Variants in C5orf24 observed in about 807,000 individuals in gnomAD.
C5orf24 encodes UPF0461 protein C5orf24.
Under a neutral mutation model 9.8 loss-of-function variants are expected in C5orf24, and 4 were observed. The observed-to-expected ratio is 0.41, with a 90% CI of 0.20 to 0.93. The LOEUF is 0.93. C5orf24 is among the 40% of genes least tolerant of loss of function. C5orf24 has a pLI of 0.33. For synonymous variants in C5orf24, 73 were observed against 81.3 expected, an observed-to-expected ratio of 0.90 and a Z score of 0.55; for missense variants, 170 against 236.9, an observed-to-expected ratio of 0.72 and a Z score of 1.85.
At chr5:134,840,229 C>T in the C5orf24 span, among the ~76,000 whole-genome samples, 1 of 150,950 alleles carries the variant, frequency 6.6e-6, no homozygotes, top group Non-Finnish European at 1.5e-5. Context: ...ATCGCTTGAA[C>T]CCGGGAGGCG....
At chr5:134,854,270 T>C (rs1756248206) in intron 1 of C5orf24, among the ~76,000 whole-genome samples, 1 of 152,210 alleles carries the variant, frequency 6.6e-6, no homozygotes, top group Non-Finnish European at 1.5e-5. Flanking sequence ...GCCAAGAGAT[T>C]GTATTCTTTA....
the C5orf24 span, among the ~76,000 whole-genome samples, chr5:134,835,240 G>A: frequency 1.3e-5 from 2 of 152,048 alleles, no homozygotes; most frequent in Non-Finnish European, 2.9e-5. Flanking sequence ...ATCATTCTAT[G>A]ATACACATTT....
chr5:134,853,071 A>G (rs913647343), intron 1 of C5orf24, among the ~76,000 whole-genome samples: 5 of 152,158 alleles, frequency 3.3e-5, no homozygotes, highest in Non-Finnish European at 5.9e-5. Flanking sequence ...AGGCTGAGGC[A>G]GGAGAATGGC....
rs899912967 is a variant in C5orf24, at chr5:134,846,050, A to C, written c.-166A>C. 2 of 152,288 alleles carry C rather than the reference A, an allele frequency of 1.3e-5. No individual in the cohort carries two copies. Among genetic ancestry groups the C allele is most frequent in the Non-Finnish European group, 2.9e-5 (2 of 68,146 alleles). 9.4% of individuals were successfully genotyped at this position (152,288 alleles called of 1,614,324 possible). ...GCGGCCGCGGCGGGTGCTGGGAGCC[A>C]GCGCCTGCCTCGCCGCCGCCCTCGC... On this transcript the variant is annotated 5_prime_UTR_variant, in exon 1 of 2. Coordinates refer to ENST00000394976, the MANE Select transcript of C5orf24 (RefSeq NM_001135586.1).
At position 134,857,479 on chromosome 5, in the gene C5orf24, A is replaced by G. The variant is rs775983826; in HGVS notation, c.*2012A>G. The G allele has an allele frequency of 4.4e-5, 63 of 1,436,630 alleles. No homozygotes were observed. Among genetic ancestry groups the G allele is most frequent in the Non-Finnish European group, 5.5e-5 (59 of 1,080,380 alleles). 89.0% of individuals were successfully genotyped at this position (1,436,630 alleles called of 1,614,324 possible). A position where few individuals can be genotyped will look rare whatever the true frequency, so the allele number is the denominator to read the frequency against. On this transcript the variant is annotated 3_prime_UTR_variant, in exon 2 of 2. Transcript: ENST00000394976. ...TGGGGACTATGTGCACTGGCGTCTAAGACAGTGACCTCAACAATATTAGCT... is the reference window on the plus strand; with the variant it reads ...TGGGGACTATGTGCACTGGCGTCTAGGACAGTGACCTCAACAATATTAGCT...
At position 134,855,520 on chromosome 5, in the gene C5orf24, A is replaced by G. The variant is rs139222825; in HGVS notation, c.*53A>G. On this transcript the variant is annotated 3_prime_UTR_variant, in exon 2 of 2. Coordinates refer to ENST00000394976, the MANE Select transcript of C5orf24 (RefSeq NM_001135586.1). ...AGAAGGAAGATTGTGAATAATCCCA[A>G]AGCTTCTTGGTTTTATTTTGATATA... is the stretch of plus-strand genomic sequence containing the variant. 5.2e-5 allele frequency: 83 copies of G among 1,593,314 alleles called. No homozygotes were observed. The African/African-American group carries it at 9.8e-4, about 19-fold the overall frequency.
upstream of C5orf24, among the ~76,000 whole-genome samples, chr5:134,844,627 C>T (rs1351370724): frequency 1.3e-5 from 2 of 152,184 alleles, no homozygotes; most frequent in African/African-American, 4.8e-5. Flanking sequence ...AATCACTCCA[C>T]CTAGTTGGAA....
Position 134,855,731 on chromosome 5 carries a change from T to C in C5orf24, c.*264T>C, listed in dbSNP as rs1446487131. On this transcript the variant is annotated 3_prime_UTR_variant, in exon 2 of 2. Transcript: ENST00000394976. ...TCCTTTTCCTTTAGAGTTATGGTCA[T>C]GTCTCATGTTTCATTACTACTTTGG... is the stretch of plus-strand genomic sequence containing the variant. 23 of 1,333,418 alleles carry C rather than the reference T, an allele frequency of 1.7e-5. No homozygotes were observed. The highest frequency in any genetic ancestry group is 2.9e-4 in the Middle Eastern group (1 of 3,398). The allele number at this position is 1,333,418 out of a possible 1,614,324, so 82.6% of individuals were successfully genotyped here.
the C5orf24 span, among the ~76,000 whole-genome samples, chr5:134,836,003 A>G: frequency 6.6e-6 from 1 of 151,016 alleles, no homozygotes; most frequent in African/African-American, 2.4e-5. Context: ...TTCTTTCTTT[A>G]TTTTTTTAAG....
intron 1 of C5orf24, among the ~76,000 whole-genome samples, chr5:134,848,658 C>CA (rs35768120): frequency 0.014 from 525 of 37,558 alleles, 10 homozygotes; most frequent in African/African-American, 0.047. Context: ...AACTCCGTCT[C>CA]AAAAAAAAAA....
At chr5:134,853,528 C>CTTTTTTTTTTTT (rs773207000) in intron 1 of C5orf24, among the ~76,000 whole-genome samples, 130 of 104,224 alleles carry the variant, frequency 1.2e-3, no homozygotes, top group Non-Finnish European at 1.8e-3. Flanking sequence ...TCTTCTTCTT[C>CTTTTTTTTTTTT]TTTTTTTTTT....
At chr5:134,841,263 A>G (rs148649435), upstream of C5orf24, among the ~76,000 whole-genome samples, 1,094 of 152,258 alleles carry the variant, frequency 7.2e-3, 6 homozygotes, top group Middle Eastern at 0.041. Flanking sequence ...ATTATGGTGT[A>G]GTAAGAAAAA....
At chr5:134,836,267 C>T in the C5orf24 span, among the ~76,000 whole-genome samples, 7 of 150,720 alleles carry the variant, frequency 4.6e-5, no homozygotes, top group East Asian at 2.0e-4. Flanking sequence ...CTCCGCCTCC[C>T]GGATTCTAGT....
the C5orf24 span, among the ~76,000 whole-genome samples, chr5:134,837,526 A>G: frequency 3.9e-5 from 6 of 152,074 alleles, no homozygotes; most frequent in Non-Finnish European, 7.4e-5. Context: ...CAAATTCATG[A>G]TGTTGAAACC....
intron 1 of C5orf24, among the ~76,000 whole-genome samples, chr5:134,848,185 C>T (rs928909839): frequency 2.0e-5 from 3 of 152,042 alleles, no homozygotes; most frequent in African/African-American, 7.2e-5. Context: ...GTGGCTGGCG[C>T]CTGTAGTCCC....
chr5:134,857,185 T>TG lies in C5orf24; in HGVS notation c.*1719dup, dbSNP rs1756337936. 4 of 1,299,882 alleles carry TG rather than the reference T, an allele frequency of 3.1e-6. No individual in the cohort carries two copies. The highest frequency in any genetic ancestry group is 3.0e-6 in the Non-Finnish European group (3 of 1,014,710). 80.5% of individuals were successfully genotyped at this position (1,299,882 alleles called of 1,614,324 possible). A position where few individuals can be genotyped will look rare whatever the true frequency, so the allele number is the denominator to read the frequency against. The stretch of plus-strand genomic sequence containing the variant: ...ATTCCACTTAACTTTAAAGTTACAA[T>TG]GTTTGTATTTGGGATTTTAAATGCC... On this transcript the variant is annotated 3_prime_UTR_variant, in exon 2 of 2. Transcript: ENST00000394976.
At chr5:134,842,083 A>G (rs1426474123), upstream of C5orf24, among the ~76,000 whole-genome samples, 1 of 152,218 alleles carries the variant, frequency 6.6e-6, no homozygotes, top group Admixed American at 6.5e-5. Flanking sequence ...GCAAATTCCT[A>G]TATAAAAAAT....
chr5:134,855,342 C>G lies in C5orf24; in HGVS notation c.442C>G (p.Leu148Val), dbSNP rs894628075. The change falls in exon 2 of 2, where the codon CTA becomes GTA. Residue 148 changes from leucine to valine, a missense_variant. Coordinates refer to ENST00000394976, the MANE Select transcript of C5orf24 (RefSeq NM_001135586.1). Reference protein sequence around the residue: ...PGRPPGSIKALSRLADLGYGC... With the variant: ...PGRPPGSIKAVSRLADLGYGC... ...CAGACCTCCAGGTAGCATTAAAGCT[C>G]TATCCCGTCTTGCCGATCTTGGTTA... 12 of 1,614,066 alleles carry G rather than the reference C, an allele frequency of 7.4e-6. No individual in the cohort carries two copies. The highest frequency in any genetic ancestry group is 1.0e-5 in the Non-Finnish European group (12 of 1,180,044).
chr5:134,840,327 A>G, the C5orf24 span, among the ~76,000 whole-genome samples: 1 of 150,198 alleles, frequency 6.7e-6, no homozygotes, highest in South Asian at 2.1e-4. Flanking sequence ...AAAAAAAAAA[A>G]GAACAGGGAA....
Sources: allele counts gnomAD v4.1 joint callset (sites outside exome capture counted in the v4.1 genomes callset), GRCh38; gene constraint gnomAD v4.1.1; transcripts MANE v1.5; gene names NCBI Gene and HGNC (gene_info 2026-07-23, HGNC 2026-07-21).